The following FGD5 variants were observed in gnomAD, a reference collection of about 807,000 sequenced individuals.
The protein encoded by FGD5 is FYVE, RhoGEF and PH domain containing 5.
In FGD5, 28 loss-of-function variants were observed where a neutral mutation model predicts 133.4. The observed-to-expected ratio is 0.21, with a 90% CI of 0.16 to 0.29. The LOEUF (loss-of-function observed/expected upper bound fraction) is 0.29, where lower values mean the gene tolerates loss of function less well. FGD5 is among the 10% of genes least tolerant of loss of function. The pLI is 1.00. For synonymous variants in FGD5, 810 were observed against 776.5 expected (o/e 1.04, Z -0.72); for missense variants, 1,858 against 1,895.2 (o/e 0.98, Z 0.36).
Position 14,922,610 on chromosome 3 carries a change from C to T in FGD5, c.3807+62C>T. ...GGTGGGGTGGGGGAAGGGCATGTCC[C>T]TGCCCAGCCGGGGGCTCAGGGATGT... On this transcript the variant is annotated intron_variant, in intron 15 of 19. Coordinates refer to ENST00000285046, the MANE Select transcript of FGD5 (RefSeq NM_152536.4). The surrounding 1 kb of genome is among the most constrained non-coding windows in gnomAD (Gnocchi z 4.1). The T allele has an allele frequency of 1.3e-6, 2 of 1,526,000 alleles. No homozygotes were observed. Among genetic ancestry groups the T allele is most frequent in the East Asian group, 2.4e-5 (1 of 41,066 alleles). The allele number at this position is 1,526,000 out of a possible 1,614,324, so 94.5% of individuals were successfully genotyped here.
intron 4 of FGD5, among the ~76,000 whole-genome samples, chr3:14,885,648 C>T (rs1021903332): frequency 3.9e-5 from 6 of 152,156 alleles, no homozygotes; most frequent in African/African-American, 1.4e-4. Context: ...TCTCTGCCTA[C>T]GCGAGTTTGG....
chr3:14,814,637 T>C (rs908987943), upstream of FGD5, among the ~76,000 whole-genome samples: 5 of 152,132 alleles, frequency 3.3e-5, no homozygotes, highest in African/African-American at 7.2e-5. Context: ...CTCAACAGGC[T>C]CCTGCCTTAA....
chr3:14,811,453 T>A (rs2036293933), intron 1 of FGD5: 1 of 151,960 alleles, frequency 6.6e-6, no homozygotes, highest in Non-Finnish European at 1.5e-5. Context: ...TTAATCCCCC[T>A]ATAGCGCACC....
intron 1 of FGD5, among the ~76,000 whole-genome samples, chr3:14,837,793 G>C (rs949775071): frequency 6.6e-6 from 1 of 152,196 alleles, no homozygotes. Flanking sequence ...CTCTTGCTGT[G>C]TAGCCTTTTT....
chr3:14,880,560 T>G lies in FGD5; in HGVS notation c.2659-12T>G, dbSNP rs1267760066. The stretch of plus-strand genomic sequence containing the variant: ...TGCCTGTCCCACCTGATTGCTCTCT[T>G]TCCTCCCACAGGTGGAAGGACAGTC... On this transcript the variant is annotated splice_polypyrimidine_tract_variant and intron_variant, in intron 2 of 19. Coordinates refer to ENST00000285046, the MANE Select transcript of FGD5 (RefSeq NM_152536.4). 1 of 1,612,968 alleles carries G rather than the reference T, an allele frequency of 6.2e-7. No homozygotes were observed. The highest frequency in any genetic ancestry group is 1.3e-5 in the African/African-American group (1 of 74,882).
rs1201398657 is a variant in FGD5, at chr3:14,821,156, T to G, written c.2085T>G (p.Val695=). The change falls in exon 1 of 20, where the codon GTT becomes GTG. Residue 695 remains valine, a synonymous_variant. Coordinates refer to ENST00000285046, the MANE Select transcript of FGD5 (RefSeq NM_152536.4). ...SYHGPSRILE[V]DRRSLSNSPQ... ...ACGGGCCTTCCAGGATTCTGGAAGT[T>G]GACCGGAGAAGCCTCAGCAACTCCC... The G allele has an allele frequency of 1.2e-6, 2 of 1,613,940 alleles. No homozygotes were observed. Among genetic ancestry groups the G allele is most frequent in the Admixed American group, 3.3e-5 (2 of 60,024 alleles).
chr3:14,864,373 C>T, intron 2 of FGD5, 113 bp downstream of exon 2: 1 of 1,519,394 alleles, frequency 6.6e-7, no homozygotes, highest in Non-Finnish European at 9.0e-7. Flanking sequence ...AGATAGCTGG[C>T]CCCAGCTGGA....
chr3:14,816,968 G>T (rs573914019), upstream of FGD5, among the ~76,000 whole-genome samples: 1 of 152,196 alleles, frequency 6.6e-6, no homozygotes, highest in African/African-American at 2.4e-5. Context: ...ACCAGTTAGA[G>T]CTGTGCTGGA....
chr3:14,864,190 C>G lies in FGD5; in HGVS notation c.2588C>G (p.Thr863Arg), dbSNP rs781430448. 4 of 1,614,002 alleles carry G rather than the reference C, an allele frequency of 2.5e-6. No homozygotes were observed. Among genetic ancestry groups the G allele is most frequent in the Non-Finnish European group, 3.4e-6 (4 of 1,179,886 alleles). Residue 863 changes from threonine to arginine, a missense_variant, in exon 2 of 20, where the codon ACG (threonine) becomes AGG (arginine). Physicochemically the swap from Thr to Arg is moderately conservative, Grantham distance 71. Transcript: ENST00000285046. ...TCGGCAGCCCCCAAAGAGGACCTTACGTCGGATGAAGAGCAGAGAAGCTCG... is the reference window on the plus strand; with the variant it reads ...TCGGCAGCCCCCAAAGAGGACCTTAGGTCGGATGAAGAGCAGAGAAGCTCG... ...ISSAAPKEDL[T>R]SDEEQRSSEE...
intron 9 of FGD5, among the ~76,000 whole-genome samples, chr3:14,904,192 A>G (rs2125137724): frequency 6.6e-6 from 1 of 152,254 alleles, no homozygotes; most frequent in South Asian, 2.1e-4. Context: ...TGCCTTTTCC[A>G]TGCCCTTTGG....
At chr3:14,861,996 G>T (rs1309884995) in intron 1 of FGD5, among the ~76,000 whole-genome samples, 1 of 152,178 alleles carries the variant, frequency 6.6e-6, no homozygotes, top group Non-Finnish European at 1.5e-5. Flanking sequence ...AAATGTTCAG[G>T]CAGGAGGTGG....
intron 4 of FGD5, among the ~76,000 whole-genome samples, chr3:14,892,736 T>C (rs2038054512): frequency 1.3e-5 from 2 of 152,132 alleles, no homozygotes; most frequent in East Asian, 1.9e-4. Flanking sequence ...GGAGAATCAC[T>C]TGGACCTGGG....
chr3:14,857,540 G>A (rs1324062946), intron 1 of FGD5, among the ~76,000 whole-genome samples: 2 of 152,114 alleles, frequency 1.3e-5, no homozygotes, highest in East Asian at 3.8e-4. Flanking sequence ...CCTTGGTCCT[G>A]GTTTGGGGCT....
chr3:14,819,281 G>C lies in FGD5; in HGVS notation c.210G>C (p.Arg70Ser). 1 of 1,531,612 alleles carries C rather than the reference G, an allele frequency of 6.5e-7. No homozygotes were observed. The highest frequency in any genetic ancestry group is 8.8e-7 in the Non-Finnish European group (1 of 1,136,660). The allele number at this position is 1,531,612 out of a possible 1,614,324, so 94.9% of individuals were successfully genotyped here. The change falls in exon 1 of 20, where the codon AGG (arginine) becomes AGC (serine). Residue 70 changes from arginine (R) to serine (S), a missense_variant. Arg to Ser is a moderately radical substitution (Grantham distance 110). Around this residue, in one of 3 missense-constraint regions of FGD5, gnomAD observed 1,824 missense variants for 1,848.9 expected, o/e 0.99. Transcript: ENST00000285046. The surrounding 1 kb of genome is among the most constrained non-coding windows in gnomAD (Gnocchi z 4.1). ...ACGAGGATTACATCGTGGTCCCCAG[G>C]GTTCCGCTGAGGGAGGATGAACCCA... The part of the protein sequence containing the change: ...ETDEDYIVVP[R>S]VPLREDEPKD...
At chr3:14,850,026 T>C (rs1337043332) in intron 1 of FGD5, among the ~76,000 whole-genome samples, 1 of 152,114 alleles carries the variant, frequency 6.6e-6, no homozygotes, top group East Asian at 1.9e-4. Flanking sequence ...AGATGTGGTG[T>C]GTGGTTATTA....
rs138703307 is a variant in FGD5 at position 14,933,179 on chromosome 3, C to G, written c.*12C>G. The G allele has an allele frequency of 2.5e-3, 4,066 of 1,613,004 alleles. 17 individuals are homozygous for G. Among genetic ancestry groups the G allele is most frequent in the Admixed American group, 6.6e-3 (395 of 59,912 alleles). On this transcript the variant is annotated 3_prime_UTR_variant, in exon 20 of 20. Coordinates refer to ENST00000285046, the MANE Select transcript of FGD5 (RefSeq NM_152536.4). ...CGAGTGTGTTATAGCAGTTATCAAGCATGTGGACTTGTAACAAATTCTTAG... is the reference window on the plus strand; with the variant it reads ...CGAGTGTGTTATAGCAGTTATCAAGGATGTGGACTTGTAACAAATTCTTAG...
intron 1 of FGD5, among the ~76,000 whole-genome samples, chr3:14,837,641 G>A (rs1021086942): frequency 2.0e-5 from 3 of 152,112 alleles, no homozygotes; most frequent in Non-Finnish European, 4.4e-5. Flanking sequence ...GATAGGCTGC[G>A]AAGTATTTGC....
chr3:14,873,448 A>G (rs912297742), intron 2 of FGD5, among the ~76,000 whole-genome samples: 2 of 152,284 alleles, frequency 1.3e-5, no homozygotes, highest in African/African-American at 4.8e-5. Context: ...AGAAAAGTTT[A>G]TAGGAGGCAA....
chr3:14,823,946 C>G (rs1413434320), intron 1 of FGD5, among the ~76,000 whole-genome samples: 1 of 152,226 alleles, frequency 6.6e-6, no homozygotes, highest in East Asian at 1.9e-4. Context: ...TGGATCGTGA[C>G]TGTTTACTGC....
Sources: gnomAD v4.1 joint callset for allele counts (sites outside exome capture counted in the v4.1 genomes callset) on GRCh38, gnomAD v4.1.1 for gene constraint, gnomAD v4.1.1 regional missense constraint, Gnocchi (gnomAD v3.1) non-coding constraint, MANE v1.5 for transcripts, NCBI Gene and HGNC (gene_info 2026-07-23, HGNC 2026-07-21) for gene names.